The following CCDC110 variants were observed in gnomAD, a reference collection of about 807,000 sequenced individuals.
CCDC110 encodes the protein coiled-coil domain-containing protein 110.
In CCDC110, 70 loss-of-function variants were observed where a neutral mutation model predicts 77.1. The observed-to-expected ratio is 0.91, with a 90% CI of 0.75 to 1.11. The LOEUF (loss-of-function observed/expected upper bound fraction) is 1.11. CCDC110 is among the 50% of genes least tolerant of loss of function. The pLI is 0.00. For missense variants in CCDC110, 868 were observed against 942.9 expected, an observed-to-expected ratio of 0.92 and a Z score of 1.04; for synonymous variants, 295 against 312.5, an observed-to-expected ratio of 0.94 and a Z score of 0.59.
chr4:185,445,887 G>GC (rs2095609367), intron 6 of CCDC110, among the ~76,000 whole-genome samples: 1 of 151,998 alleles, frequency 6.6e-6, no homozygotes, highest in African/African-American at 2.4e-5. Context: ...TATTGCCCAG[G>GC]CTGGGGTACA....
chr4:185,465,137 C>T (rs967319085), intron 2 of CCDC110, among the ~76,000 whole-genome samples: 11 of 152,116 alleles, frequency 7.2e-5, no homozygotes, highest in African/African-American at 2.2e-4. Context: ...TATTTAAACA[C>T]GAAGATAGGA....
chr4:185,471,258 AAGG>A (rs2095666501), intron 1 of CCDC110, among the ~76,000 whole-genome samples: 1 of 37,524 alleles, frequency 2.7e-5, no homozygotes, highest in Admixed American at 2.9e-4. Flanking sequence ...GGCGGGTTTG[AAGG>A]CTGGGGCGGG....
intron 2 of CCDC110, among the ~76,000 whole-genome samples, chr4:185,465,442 A>G (rs1306387497): frequency 6.6e-6 from 1 of 152,232 alleles, no homozygotes; most frequent in Non-Finnish European, 1.5e-5. Flanking sequence ...TCCATCTTCC[A>G]TCTCTTCTTC....
chr4:185,457,836 T>C, intron 6 of CCDC110: 2 of 1,329,440 alleles, frequency 1.5e-6, no homozygotes, highest in Non-Finnish European at 2.0e-6. Context: ...AAAAAAGAAT[T>C]CTTTTAAGGT....
intron 6 of CCDC110, among the ~76,000 whole-genome samples, chr4:185,446,067 C>G (rs1042673068): frequency 6.6e-6 from 1 of 152,050 alleles, no homozygotes; most frequent in Admixed American, 6.6e-5. Flanking sequence ...TCTCGAACTC[C>G]CGACCTCAGG....
intron 3 of CCDC110, 130 bp from the exon 4 acceptor site, chr4:185,462,838 A>G: frequency 9.8e-7 from 1 of 1,018,972 alleles, no homozygotes; most frequent in Non-Finnish European, 1.5e-6. Context: ...GGTGGTTCAC[A>G]TTCTTAGGCA....
chr4:185,465,058 T>C (rs564564623), intron 2 of CCDC110, among the ~76,000 whole-genome samples: 1 of 152,378 alleles, frequency 6.6e-6, no homozygotes, highest in South Asian at 2.1e-4. Flanking sequence ...TTGCTAGTTA[T>C]GTGATTTATA....
At chr4:185,457,897 G>A (rs2095638412) in intron 6 of CCDC110, 2 of 814,350 alleles carry the variant, frequency 2.5e-6, no homozygotes, top group Non-Finnish European at 3.6e-6. Flanking sequence ...CTTGCTCACT[G>A]CCAAACTTGG....
chr4:185,448,879 G>C (rs544681549), intron 6 of CCDC110, among the ~76,000 whole-genome samples: 1 of 148,736 alleles, frequency 6.7e-6, no homozygotes, highest in East Asian at 1.9e-4. Context: ...TTGGAACAGG[G>C]AGAAAGAGAA....
chr4:185,466,267 C>T (rs1227908553), intron 2 of CCDC110, among the ~76,000 whole-genome samples: 3 of 152,020 alleles, frequency 2.0e-5, no homozygotes, highest in Non-Finnish European at 4.4e-5. Context: ...CCCAGCTACT[C>T]GGGAGGCTGA....
In CCDC110 at chr4:185,470,950, T is replaced by C; in HGVS notation, c.110A>G (p.Asp37Gly). ...TTACGGTCTGGCGATTTTACCTGTGTCACTGCAGCCACTTTCCTTCACCCC... is the reference window on the plus strand; with the variant it reads ...TTACGGTCTGGCGATTTTACCTGTGCCACTGCAGCCACTTTCCTTCACCCC... ...SEGVKESGCS[D>G]TEYGCIAESE... Residue 37 changes from aspartate (D) to glycine (G), a missense_variant, in exon 2 of 7, where the codon GAC becomes GGC. By Grantham distance (94) the Asp-to-Gly change is moderately conservative (BLOSUM62 -1). Coordinates refer to ENST00000307588, the MANE Select transcript of CCDC110 (RefSeq NM_152775.4). 1 of 1,608,866 alleles carries C rather than the reference T, an allele frequency of 6.2e-7. No homozygotes were observed. Among genetic ancestry groups the C allele is most frequent in the Non-Finnish European group, 8.5e-7 (1 of 1,176,500 alleles).
At chr4:185,447,932 T>C (rs1396196853) in intron 6 of CCDC110, among the ~76,000 whole-genome samples, 1 of 152,228 alleles carries the variant, frequency 6.6e-6, no homozygotes, top group African/African-American at 2.4e-5. Flanking sequence ...TTAGCTGCAA[T>C]AATTAGCCAA....
Position 185,445,517 on chromosome 4 carries a change from A to C in CCDC110, c.2487T>G (p.Thr829=). The C allele has an allele frequency of 6.3e-7, 1 of 1,578,816 alleles. No individual in the cohort carries two copies. ...TTGAGGAATCCTAATGATGCTTGAG[A>C]GTTCTGTCTTTAACTTTGAAATAAC... ...LKGYFKVKDR[T]LKHH The change falls in exon 7 of 7, where the codon ACT becomes ACG. Residue 829 remains threonine, a synonymous_variant. Transcript: ENST00000307588.
At chr4:185,462,567 C>T (rs1008909319) in intron 4 of CCDC110, 76 bp downstream of exon 4, 5 of 1,098,662 alleles carry the variant, frequency 4.6e-6, no homozygotes, top group Non-Finnish European at 7.0e-6. Flanking sequence ...AATCCATTGG[C>T]TAGTGACCAT....
chr4:185,458,067 G>T, intron 6 of CCDC110, 59 bp downstream of exon 6: 1 of 1,168,832 alleles, frequency 8.6e-7, no homozygotes, highest in Non-Finnish European at 1.2e-6. Flanking sequence ...ACTCTGTAGT[G>T]CCCAATAGGC....
Position 185,459,987 on chromosome 4 carries a change from A to G in CCDC110, c.600T>C (p.Phe200=). ...GAGGTGCAGTAGGTAGAAAACGATA[A>G]AAGTTATTATAATTCTTCAAGATGT... ...NSDILKNYNN[F]YRFLPTAPPN... The change falls in exon 6 of 7, where the codon TTT becomes TTC. Residue 200 remains phenylalanine, a synonymous_variant. Transcript: ENST00000307588. 1 of 1,613,640 alleles carries G rather than the reference A, an allele frequency of 6.2e-7. No homozygotes were observed. The highest frequency in any genetic ancestry group is 8.5e-7 in the Non-Finnish European group (1 of 1,179,724).
At position 185,451,182 on chromosome 4, in the gene CCDC110, C is replaced by T. The variant is rs150314589; in HGVS notation, c.2462-5640G>A. Among the ~76,000 whole-genome samples, 828 of 152,252 alleles carry T rather than the reference C, an allele frequency of 5.4e-3. 7 individuals are homozygous for T. Among genetic ancestry groups the T allele is most frequent in the African/African-American group, 0.019 (772 of 41,544 alleles). On this transcript the variant is annotated intron_variant, in intron 6 of 6. Coordinates refer to ENST00000307588, the MANE Select transcript of CCDC110 (RefSeq NM_152775.4). ...TTCACCTTCCATGATGATTGTGAGG[C>T]CTCCACAGCCACGTGGAACTGTGAG...
At chr4:185,469,125 T>C (rs2095661286) in intron 2 of CCDC110, among the ~76,000 whole-genome samples, 1 of 152,250 alleles carries the variant, frequency 6.6e-6, no homozygotes, top group South Asian at 2.1e-4. Context: ...GAACATTCTA[T>C]AACTCTTTGT....
At chr4:185,466,596 G>A (rs1256489363) in intron 2 of CCDC110, among the ~76,000 whole-genome samples, 1 of 151,594 alleles carries the variant, frequency 6.6e-6, no homozygotes, top group African/African-American at 2.4e-5. Context: ...TTGAGATGGA[G>A]TCTCACTCTG....
Sources: gnomAD v4.1 joint callset for allele counts (sites outside exome capture counted in the v4.1 genomes callset) on GRCh38, gnomAD v4.1.1 for gene constraint, MANE v1.5 for transcripts, NCBI Gene and HGNC (gene_info 2026-07-23, HGNC 2026-07-21) for gene names.